Variants in PTPRB observed in about 807,000 individuals in gnomAD.
PTPRB encodes protein tyrosine phosphatase receptor type B, also known as receptor-type tyrosine-protein phosphatase beta.
A neutral mutation model predicts 238.1 loss-of-function variants in PTPRB; 97 were observed. That is an observed-to-expected ratio of 0.41 (90% CI 0.35 to 0.48). The LOEUF (loss-of-function observed/expected upper bound fraction) is 0.48. PTPRB is among the 20% of genes least tolerant of loss of function. The pLI is 0.30. For synonymous variants in PTPRB, 970 were observed against 995.4 expected, an observed-to-expected ratio of 0.97 and a Z score of 0.48; for missense variants, 2,292 against 2,681.9, an observed-to-expected ratio of 0.85 and a Z score of 3.21.
chr12:70,536,069 C>T lies in PTPRB; in HGVS notation c.6037G>A (p.Val2013Ile), dbSNP rs755019217. 53 of 1,613,684 alleles carry T rather than the reference C, an allele frequency of 3.3e-5. No homozygotes were observed. Among genetic ancestry groups the T allele is most frequent in the Non-Finnish European group, 4.4e-5 (52 of 1,179,810 alleles). Residue 2013 changes from valine to isoleucine, a missense_variant, in exon 29 of 34, where the codon GTT (valine) becomes ATT (isoleucine). By Grantham distance (29) the Val-to-Ile change is conservative (BLOSUM62 3). This residue lies in a region of PTPRB where 397 missense variants were observed against 502.0 expected (regional missense o/e 0.79). Coordinates refer to ENST00000334414, the MANE Select transcript of PTPRB (RefSeq NM_001109754.4). ...TGGGTCACCATGACGATGTTGTGAA[C>T]GTTTTGTTCCCACACCATTTTCCAG... ...DFWKMVWEQNVHNIVMVTQCV... is the reference protein window; with the variant it reads ...DFWKMVWEQNIHNIVMVTQCV...
chr12:70,601,978 G>C (rs961956644), intron 4 of PTPRB, among the ~76,000 whole-genome samples: 2 of 151,348 alleles, frequency 1.3e-5, no homozygotes, highest in Non-Finnish European at 2.9e-5. Context: ...TGTATTTTTA[G>C]TAGAGACGGG....
chr12:70,611,460 T>G (rs983079885), intron 3 of PTPRB, among the ~76,000 whole-genome samples: 2 of 143,036 alleles, frequency 1.4e-5, no homozygotes, highest in African/African-American at 4.9e-5. Flanking sequence ...AGCTAATTTT[T>G]TTTGTGTGTG....
Position 70,594,481 on chromosome 12 carries a change from T to C in PTPRB, c.1502A>G (p.Lys501Arg). The change falls in exon 6 of 34, where the codon AAA becomes AGA. Residue 501 changes from lysine (K) to arginine (R), a missense_variant. Around this residue, in one of 4 missense-constraint regions of PTPRB, gnomAD observed 1,205 missense variants for 1,287.8 expected, o/e 0.94. Coordinates refer to ENST00000334414, the MANE Select transcript of PTPRB (RefSeq NM_001109754.4). ...GGGGAACTTACCTGTCCTGACTAGTTTCCACCTGTAGTTTTGCAGCCCTGC... is the reference window on the plus strand; with the variant it reads ...GGGGAACTTACCTGTCCTGACTAGTCTCCACCTGTAGTTTTGCAGCCCTGC... Reference protein sequence around the residue: ...EAAGLQNYRWKLVRTAPMEVS... With the variant: ...EAAGLQNYRWRLVRTAPMEVS... 1.2e-6 allele frequency: 2 copies of C among 1,614,038 alleles called. No homozygotes were observed. The highest frequency in any genetic ancestry group is 1.7e-6 in the Non-Finnish European group (2 of 1,179,894).
chr12:70,619,728 C>G (rs577905283), intron 3 of PTPRB, among the ~76,000 whole-genome samples: 56 of 152,284 alleles, frequency 3.7e-4, no homozygotes, highest in African/African-American at 1.3e-3. Flanking sequence ...TCATCACAAA[C>G]CAGATGCTGT....
At chr12:70,624,838 C>T (rs1008504202) in intron 2 of PTPRB, among the ~76,000 whole-genome samples, 4 of 152,258 alleles carry the variant, frequency 2.6e-5, no homozygotes, top group African/African-American at 4.8e-5. Flanking sequence ...CACTAAAGAG[C>T]TGTTGGTAAG....
chr12:70,554,648 A>G (rs1309366715), intron 20 of PTPRB, among the ~76,000 whole-genome samples: 1 of 152,220 alleles, frequency 6.6e-6, no homozygotes, highest in Non-Finnish European at 1.5e-5. Context: ...AATGTTTTTC[A>G]TGAACATCTT....
intron 2 of PTPRB, among the ~76,000 whole-genome samples, chr12:70,629,069 A>G (rs1305519926): frequency 6.6e-6 from 1 of 151,616 alleles, no homozygotes; most frequent in Non-Finnish European, 1.5e-5. Context: ...TTATTCAGGA[A>G]GAAGAAGTGG....
At chr12:70,524,395 G>A (rs1311014544) in intron 33 of PTPRB, 76 bp downstream of exon 33, 21 of 1,464,832 alleles carry the variant, frequency 1.4e-5, no homozygotes, top group Admixed American at 2.1e-5. Flanking sequence ...GATTACAGGT[G>A]TAAGCCTCTA....
intron 21 of PTPRB, among the ~76,000 whole-genome samples, chr12:70,547,281 G>A (rs189916363): frequency 1.5e-4 from 23 of 152,270 alleles, no homozygotes; most frequent in African/African-American, 5.5e-4. Context: ...GTTAATGGAA[G>A]TATATTGAGA....
chr12:70,535,232 T>G (rs1299367313), intron 29 of PTPRB, among the ~76,000 whole-genome samples: 9 of 147,286 alleles, frequency 6.1e-5, no homozygotes, highest in African/African-American at 1.5e-4. Context: ...GAGTTTTTTT[T>G]TTTTTTTTTT....
At chr12:70,529,439 A>AAATT (rs1356294713) in intron 32 of PTPRB, among the ~76,000 whole-genome samples, 9 of 152,182 alleles carry the variant, frequency 5.9e-5, no homozygotes, top group African/African-American at 1.9e-4. Context: ...CCCAAGTTAC[A>AAATT]AATTAATTAG....
At chr12:70,552,605 C>T (rs1877060259) in intron 21 of PTPRB, among the ~76,000 whole-genome samples, 172 bp downstream of exon 21, 1 of 152,080 alleles carries the variant, frequency 6.6e-6, no homozygotes. Flanking sequence ...GACACATTAC[C>T]TGCAAGTGGA....
At chr12:70,537,383 T>A (rs552687974) in intron 28 of PTPRB, among the ~76,000 whole-genome samples, 7 of 151,682 alleles carry the variant, frequency 4.6e-5, no homozygotes, top group Non-Finnish European at 1.0e-4. Flanking sequence ...GATCCTCAGA[T>A]GGCGCAGACA....
intron 14 of PTPRB, among the ~76,000 whole-genome samples, chr12:70,568,214 T>C (rs1010573837): frequency 6.6e-6 from 1 of 152,174 alleles, no homozygotes; most frequent in African/African-American, 2.4e-5. Flanking sequence ...GTACCATGTT[T>C]TACTGTAATT....
chr12:70,549,100 A>G (rs1039581532), intron 21 of PTPRB, among the ~76,000 whole-genome samples: 15 of 152,198 alleles, frequency 9.9e-5, no homozygotes, highest in African/African-American at 3.6e-4. Flanking sequence ...TTATTTATCT[A>G]TCACCCAACA....
rs538625736 is a variant in PTPRB at position 70,535,411 on chromosome 12, A to G, written c.6082-456T>C. Among the ~76,000 whole-genome samples the G allele has an allele frequency of 6.6e-5, 10 of 152,094 alleles. No homozygotes were observed. The East Asian group carries it at 1.9e-3, about 29-fold the overall frequency. The stretch of plus-strand genomic sequence containing the variant: ...CTGTCCTAACGTGGGCCGTGTGCCA[A>G]GAGATCTTTGAGAAGTTAGAACGTT... On this transcript the variant is annotated intron_variant, in intron 29 of 33. Coordinates refer to ENST00000334414, the MANE Select transcript of PTPRB (RefSeq NM_001109754.4).
At chr12:70,581,382 A>G (rs1881377842) in intron 9 of PTPRB, 80 bp from the exon 10 acceptor site, 1 of 1,404,484 alleles carries the variant, frequency 7.1e-7, no homozygotes, top group Non-Finnish European at 9.6e-7. Context: ...CAAAAAATGG[A>G]GACAGACTTG....
intron 10 of PTPRB, among the ~76,000 whole-genome samples, chr12:70,580,565 A>G (rs1404306374): frequency 6.6e-6 from 1 of 152,206 alleles, no homozygotes; most frequent in African/African-American, 2.4e-5. Context: ...CACGCCTGTA[A>G]TCCCAGAACT....
chr12:70,532,048 A>G lies in PTPRB; in HGVS notation c.6491T>C (p.Met2164Thr). ...VHDLRLHRVHMVQTECQYVYL... is the reference protein window; with the variant it reads ...VHDLRLHRVHTVQTECQYVYL... ...TATAACTCTTACCTCAGTCTGGACC[A>G]TGTGAACCCTGTGAAGTCTTAGGTC... The change falls in exon 32 of 34, where the codon ATG becomes ACG. Residue 2164 changes from methionine to threonine, a missense_variant. Coordinates refer to ENST00000334414, the MANE Select transcript of PTPRB (RefSeq NM_001109754.4). 1 of 1,613,956 alleles carries G rather than the reference A, an allele frequency of 6.2e-7. No homozygotes were observed. The highest frequency in any genetic ancestry group is 8.5e-7 in the Non-Finnish European group (1 of 1,179,880).
Sources: allele counts gnomAD v4.1 joint callset (sites outside exome capture counted in the v4.1 genomes callset), GRCh38; gene constraint gnomAD v4.1.1; regional missense constraint gnomAD v4.1.1; transcripts MANE v1.5; gene names NCBI Gene and HGNC (gene_info 2026-07-23, HGNC 2026-07-21).